SRD5A2: variants seen among roughly 807,000 people sequenced by gnomAD.
SRD5A2 encodes the protein steroid 5 alpha-reductase 2, also known as 3-oxo-5-alpha-steroid 4-dehydrogenase 2.
Under a neutral mutation model 27.4 loss-of-function variants are expected in SRD5A2, and 30 were observed. The observed-to-expected ratio is 1.10, with a 90% confidence interval of 0.82 to 1.49. The LOEUF (loss-of-function observed/expected upper bound fraction) is 1.49. Ranked by LOEUF, SRD5A2 falls within the 40% of genes most tolerant of loss-of-function variation. SRD5A2 has a pLI of 0.00. For missense variants in SRD5A2, 348 were observed against 323.4 expected, an observed-to-expected ratio of 1.08 and a Z score of -0.58; for synonymous variants, 141 against 133.6, an observed-to-expected ratio of 1.06 and a Z score of -0.38.
At chr2:31,539,410 C>T (rs1666088058) in intron 1 of SRD5A2, among the ~76,000 whole-genome samples, 2 of 152,164 alleles carry the variant, frequency 1.3e-5, no homozygotes, top group African/African-American at 2.4e-5. Flanking sequence ...TTATAACAAA[C>T]ACCACAGAAA....
At chr2:31,594,387 G>A in the SRD5A2 span, among the ~76,000 whole-genome samples, 6 of 152,034 alleles carry the variant, frequency 3.9e-5, no homozygotes, top group South Asian at 2.1e-4. Flanking sequence ...AACCAAAAGC[G>A]AGCAGGATTA....
intron 1 of SRD5A2, among the ~76,000 whole-genome samples, chr2:31,548,305 C>A (rs938887818): frequency 2.6e-5 from 4 of 152,162 alleles, no homozygotes; most frequent in Admixed American, 2.6e-4. Flanking sequence ...AGGAAAAGGG[C>A]AACCCACAGA....
At chr2:31,575,453 A>G (rs1209027066) in intron 1 of SRD5A2, among the ~76,000 whole-genome samples, 1 of 152,206 alleles carries the variant, frequency 6.6e-6, no homozygotes, top group Non-Finnish European at 1.5e-5. Context: ...CGAAAGCCAC[A>G]CTGCCTATTA....
the SRD5A2 span, among the ~76,000 whole-genome samples, chr2:31,606,356 G>T: frequency 6.6e-6 from 1 of 151,984 alleles, no homozygotes; most frequent in Non-Finnish European, 1.5e-5. Context: ...CATTTGCCAT[G>T]ATATGATTAT....
chr2:31,529,545 G>A, intron 3 of SRD5A2, 88 bp from the exon 4 acceptor site: 1 of 1,521,054 alleles, frequency 6.6e-7, no homozygotes, highest in African/African-American at 1.4e-5. Flanking sequence ...ATACACAAAG[G>A]CAGCAAGAAC....
intron 1 of SRD5A2, among the ~76,000 whole-genome samples, chr2:31,567,692 C>T (rs1004642194): frequency 1.3e-5 from 2 of 151,992 alleles, no homozygotes; most frequent in Non-Finnish European, 2.9e-5. Flanking sequence ...AAAGCATGTA[C>T]TCCTAGTTTT....
intron 1 of SRD5A2, among the ~76,000 whole-genome samples, chr2:31,560,288 A>T (rs1279343124): frequency 2.0e-5 from 3 of 152,152 alleles, no homozygotes; most frequent in African/African-American, 7.2e-5. Context: ...GTAAGCATCT[A>T]GATAGACTGT....
chr2:31,533,618 T>A lies in SRD5A2; in HGVS notation c.430A>T (p.Ile144Leu). Reference protein sequence around the residue: ...AEYPDGWYTDIRFSLGVFLFI... With the variant: ...AEYPDGWYTDLRFSLGVFLFI... ...ATTCACTTACCCAAGCTAAACCGTA[T>A]GTCTGTGTACCACCCATCAGGGTAT... is the stretch of plus-strand genomic sequence containing the variant. The change falls in exon 2 of 5, where the codon ATA becomes TTA. Residue 144 changes from isoleucine to leucine, a missense_variant. Transcript: ENST00000622030. The A allele has an allele frequency of 6.4e-7, 1 of 1,552,240 alleles. No individual in the cohort carries two copies. The highest frequency in any genetic ancestry group is 8.7e-7 in the Non-Finnish European group (1 of 1,147,304).
intron 1 of SRD5A2, among the ~76,000 whole-genome samples, chr2:31,537,718 G>T (rs1022803416): frequency 1.2e-4 from 19 of 152,240 alleles, no homozygotes; most frequent in African/African-American, 4.6e-4. Context: ...TAATCTGAAT[G>T]TGTTCCCCAA....
chr2:31,573,137 C>A (rs1416297812), intron 1 of SRD5A2, among the ~76,000 whole-genome samples: 1 of 152,176 alleles, frequency 6.6e-6, no homozygotes, highest in East Asian at 1.9e-4. Context: ...GGTCAAGTCT[C>A]CCATCTTCAC....
At chr2:31,656,407 T>G in the SRD5A2 span, among the ~76,000 whole-genome samples, 1 of 152,218 alleles carries the variant, frequency 6.6e-6, no homozygotes, top group Non-Finnish European at 1.5e-5. Flanking sequence ...AGAATCCACT[T>G]GTTGGACATG....
chr2:31,630,429 A>G, the SRD5A2 span, among the ~76,000 whole-genome samples: 2 of 152,324 alleles, frequency 1.3e-5, no homozygotes, highest in Admixed American at 6.5e-5. Flanking sequence ...TTTAAAACCT[A>G]TAATTCATCA....
At chr2:31,529,068 T>C (rs142716419) in intron 4 of SRD5A2, among the ~76,000 whole-genome samples, 92 of 152,358 alleles carry the variant, frequency 6.0e-4, no homozygotes, top group South Asian at 1.5e-3. Flanking sequence ...CAGTTGCCTC[T>C]GTTTACATGG....
At chr2:31,602,895 C>T in the SRD5A2 span, among the ~76,000 whole-genome samples, 1 of 152,008 alleles carries the variant, frequency 6.6e-6, no homozygotes. Context: ...CCCTTCCTTA[C>T]ATCTGATACA....
At chr2:31,630,338 A>G in the SRD5A2 span, among the ~76,000 whole-genome samples, 1 of 152,214 alleles carries the variant, frequency 6.6e-6, no homozygotes, top group Admixed American at 6.5e-5. Context: ...AAGAGAGAAA[A>G]GAGAGGGAGA....
At chr2:31,615,041 C>G in the SRD5A2 span, among the ~76,000 whole-genome samples, 2 of 152,184 alleles carry the variant, frequency 1.3e-5, no homozygotes, top group Non-Finnish European at 2.9e-5. Flanking sequence ...TGCCTTTCAT[C>G]TTCTGCCATG....
chr2:31,535,020 T>C (rs536402344), intron 1 of SRD5A2, among the ~76,000 whole-genome samples: 1 of 145,256 alleles, frequency 6.9e-6, no homozygotes, highest in Non-Finnish European at 1.5e-5. Context: ...TATGTGTGAG[T>C]CAATTTTTTT....
chr2:31,554,924 C>CGTGTGTGTGTGT (rs59697517), intron 1 of SRD5A2, among the ~76,000 whole-genome samples: 101 of 132,202 alleles, frequency 7.6e-4, no homozygotes, highest in African/African-American at 2.3e-3. Context: ...CTATCCTGAT[C>CGTGTGTGTGTGT]GTGTGTGTGT....
At chr2:31,631,755 C>G in the SRD5A2 span, among the ~76,000 whole-genome samples, 19 of 152,294 alleles carry the variant, frequency 1.2e-4, no homozygotes, top group African/African-American at 4.6e-4. Flanking sequence ...TTGGCGATCT[C>G]TGTTATCTCA....
Sources: gnomAD v4.1 joint callset for allele counts (sites outside exome capture counted in the v4.1 genomes callset) on GRCh38, gnomAD v4.1.1 for gene constraint, MANE v1.5 for transcripts, NCBI Gene and HGNC (gene_info 2026-07-23, HGNC 2026-07-21) for gene names.